Variants in FAF1 observed in about 807,000 individuals in gnomAD.
FAF1 encodes Fas associated factor 1.
Under a neutral mutation model 92.5 loss-of-function variants are expected in FAF1, and 25 were observed. The observed-to-expected ratio is 0.27, with a 90% CI of 0.20 to 0.38. FAF1 has a LOEUF of 0.38. Ranked by LOEUF, FAF1 falls within the 10% of genes least tolerant of loss-of-function variation. The pLI is 1.00. For synonymous variants in FAF1, 234 were observed against 273.2 expected, an observed-to-expected ratio of 0.86 and a Z score of 1.42; for missense variants, 636 against 793.3, an observed-to-expected ratio of 0.80 and a Z score of 2.38.
At chr1:50,833,521 T>C (rs150899246) in intron 2 of FAF1, among the ~76,000 whole-genome samples, 185 of 152,228 alleles carry the variant, frequency 1.2e-3, no homozygotes, top group African/African-American at 4.2e-3. Context: ...AGGGGTTTTA[T>C]GGAGGTTTCA....
intron 15 of FAF1, among the ~76,000 whole-genome samples, chr1:50,511,667 T>A (rs1647136951): frequency 6.6e-6 from 1 of 152,168 alleles, no homozygotes; most frequent in African/African-American, 2.4e-5. Flanking sequence ...TTTGGGTTGG[T>A]TCCAAGTCTT....
chr1:50,716,718 C>T (rs1046007715), intron 6 of FAF1, among the ~76,000 whole-genome samples: 7 of 152,172 alleles, frequency 4.6e-5, no homozygotes, highest in Admixed American at 1.3e-4. Context: ...CGTAAAAACA[C>T]GCCAATCAGT....
In FAF1 at chr1:50,441,530, A is replaced by G; in HGVS notation, c.1870-7T>C. On this transcript the variant is annotated splice_region_variant and splice_polypyrimidine_tract_variant and intron_variant, in intron 18 of 18. Coordinates refer to ENST00000396153, the MANE Select transcript of FAF1 (RefSeq NM_007051.3). ...TTGGGTCCAGTTGAGTTACCTAAAA[A>G]GATGAAGAACACATATTCAAAAGAC... 1 of 1,517,020 alleles carries G rather than the reference A, an allele frequency of 6.6e-7. No individual in the cohort carries two copies. The highest frequency in any genetic ancestry group is 2.5e-5 in the East Asian group (1 of 40,432). The allele number at this position is 1,517,020 out of a possible 1,614,324, so 94.0% of individuals were successfully genotyped here.
In FAF1 at chr1:50,663,742, C is replaced by G. The variant is rs969080765; in HGVS notation, c.658-8214G>C. On this transcript the variant is annotated intron_variant, in intron 7 of 18. Transcript: ENST00000396153. ...AGAATGTGCAAATAATATATAGGCTCTTCCAGAGAGCCATGCCTCTCAAGT... is the reference window on the plus strand; with the variant it reads ...AGAATGTGCAAATAATATATAGGCTGTTCCAGAGAGCCATGCCTCTCAAGT... Among the ~76,000 whole-genome samples the G allele has an allele frequency of 3.3e-5, 5 of 151,614 alleles. 1 individual carries two copies. The highest frequency in any genetic ancestry group is 1.2e-4 in the African/African-American group (5 of 40,936).
At chr1:50,671,934 G>A (rs1354447475) in intron 7 of FAF1, among the ~76,000 whole-genome samples, 2 of 151,702 alleles carry the variant, frequency 1.3e-5, no homozygotes, top group African/African-American at 4.8e-5. Flanking sequence ...AGCCTCCTGA[G>A]TAGGTAGGAC....
intron 1 of FAF1, among the ~76,000 whole-genome samples, chr1:50,912,766 C>T (rs904420698): frequency 1.1e-4 from 17 of 152,114 alleles, no homozygotes; most frequent in Non-Finnish European, 1.8e-4. Context: ...TGTCAAACAG[C>T]GGTTTAGTAT....
chr1:50,600,628 G>C (rs1281780565), intron 8 of FAF1, among the ~76,000 whole-genome samples: 1 of 152,068 alleles, frequency 6.6e-6, no homozygotes, highest in African/African-American at 2.4e-5. Flanking sequence ...TATTTGAAAA[G>C]ACTATTAAAA....
At chr1:50,665,322 G>A (rs895626875) in intron 7 of FAF1, among the ~76,000 whole-genome samples, 1 of 152,166 alleles carries the variant, frequency 6.6e-6, no homozygotes, top group Admixed American at 6.5e-5. Flanking sequence ...CTGATACAAT[G>A]TCAGAAGCAA....
intron 6 of FAF1, among the ~76,000 whole-genome samples, chr1:50,712,178 C>T (rs914547001): frequency 2.0e-5 from 3 of 152,200 alleles, no homozygotes; most frequent in Non-Finnish European, 4.4e-5. Flanking sequence ...AAGAAGCAAA[C>T]TTGCAATTCA....
chr1:50,840,448 A>T lies in FAF1; in HGVS notation c.114+17481T>A, dbSNP rs149102007. Among the ~76,000 whole-genome samples, 32 of 152,120 alleles carry T rather than the reference A, an allele frequency of 2.1e-4. No individual in the cohort carries two copies. In the East Asian group the frequency reaches 5.0e-3, roughly 24 times the overall value. The stretch of plus-strand genomic sequence containing the variant: ...TATAATGCACAAAAGATTTTAATAG[A>T]TACTTCACCAAAGGAAAAAAATAGA... On this transcript the variant is annotated intron_variant, in intron 2 of 18. Transcript: ENST00000396153.
intron 2 of FAF1, among the ~76,000 whole-genome samples, chr1:50,838,575 TA>T (rs1557552454): frequency 6.7e-6 from 1 of 148,250 alleles, no homozygotes; most frequent in Non-Finnish European, 1.5e-5. Flanking sequence ...ATATTTTATA[TA>T]ATTATAAAAA....
intron 3 of FAF1, among the ~76,000 whole-genome samples, chr1:50,792,239 T>C (rs1310978239): frequency 6.6e-6 from 1 of 152,228 alleles, no homozygotes; most frequent in Admixed American, 6.5e-5. Flanking sequence ...TACAAAATTT[T>C]AAAAATAGCC....
chr1:50,730,479 A>C (rs1380327212), intron 6 of FAF1, among the ~76,000 whole-genome samples: 2 of 151,630 alleles, frequency 1.3e-5, no homozygotes, highest in East Asian at 3.9e-4. Context: ...TCTGCTCTTT[A>C]ATCTTTCTTT....
chr1:50,616,541 G>T (rs1652920549), intron 8 of FAF1, among the ~76,000 whole-genome samples: 1 of 152,000 alleles, frequency 6.6e-6, no homozygotes, highest in African/African-American at 2.4e-5. Flanking sequence ...TCATTTTAGA[G>T]ATCTTCCACC....
At chr1:50,739,883 T>G (rs1476680067) in intron 5 of FAF1, among the ~76,000 whole-genome samples, 1 of 152,186 alleles carries the variant, frequency 6.6e-6, no homozygotes, top group Non-Finnish European at 1.5e-5. Context: ...ATTCACCAAA[T>G]TTCTTTGCCA....
At chr1:50,556,998 T>C (rs1649619092) in intron 13 of FAF1, among the ~76,000 whole-genome samples, 1 of 152,212 alleles carries the variant, frequency 6.6e-6, no homozygotes, top group South Asian at 2.1e-4. Context: ...AGCCACATAA[T>C]AAAATTTGTT....
chr1:50,701,334 C>G (rs1458177642), intron 7 of FAF1, among the ~76,000 whole-genome samples: 2 of 151,924 alleles, frequency 1.3e-5, no homozygotes, highest in Non-Finnish European at 2.9e-5. Flanking sequence ...CTCAGTTACC[C>G]TACTCTTACT....
chr1:50,817,494 A>G (rs1643990156), intron 2 of FAF1, among the ~76,000 whole-genome samples: 1 of 152,210 alleles, frequency 6.6e-6, no homozygotes. Context: ...ATACAAGTTA[A>G]TGGGGAGTTA....
At chr1:50,660,369 CAAACTATTGAA>C (rs1455591291) in intron 7 of FAF1, among the ~76,000 whole-genome samples, 5 of 152,120 alleles carry the variant, frequency 3.3e-5, no homozygotes, top group Non-Finnish European at 7.4e-5. Context: ...AAATATCTAT[CAAACTATTGAA>C]AAACTTTTAG....
Sources: allele counts gnomAD v4.1 joint callset (sites outside exome capture counted in the v4.1 genomes callset), GRCh38; gene constraint gnomAD v4.1.1; transcripts MANE v1.5; gene names NCBI Gene and HGNC (gene_info 2026-07-23, HGNC 2026-07-21).